The following MGAT4A variants were observed in gnomAD, a reference collection of about 807,000 sequenced individuals.
The protein encoded by MGAT4A is N-acetylglucosaminyltransferase IVa.
Under a neutral mutation model 74.1 loss-of-function variants are expected in MGAT4A, and 33 were observed. That is an observed-to-expected ratio of 0.45 (90% confidence interval 0.34 to 0.60). The LOEUF (loss-of-function observed/expected upper bound fraction) is 0.60, where lower values mean the gene tolerates loss of function less well. MGAT4A is among the 20% of genes least tolerant of loss of function. MGAT4A has a pLI of 0.02. For missense variants in MGAT4A, 479 were observed against 628.3 expected (o/e 0.76, Z 2.54); for synonymous variants, 198 against 210.4 (o/e 0.94, Z 0.51).
At chr2:98,728,514 G>A (rs1702796525) in intron 1 of MGAT4A, among the ~76,000 whole-genome samples, 1 of 152,144 alleles carries the variant, frequency 6.6e-6, no homozygotes, top group South Asian at 2.1e-4. Flanking sequence ...TTGGGAGGCT[G>A]AGGCAGGCAG....
intron 8 of MGAT4A, among the ~76,000 whole-genome samples, chr2:98,652,327 AT>A (rs70940120): frequency 0.26 from 31,729 of 123,366 alleles, 3,856 homozygotes; most frequent in African/African-American, 0.47. Flanking sequence ...TATCTCAACA[AT>A]TTTTTTTTTT....
rs1413188476 is a variant in MGAT4A, at chr2:98,625,777, T to G, written c.1527A>C (p.Ser509=). 1 of 1,612,600 alleles carries G rather than the reference T, an allele frequency of 6.2e-7. No homozygotes were observed. Among genetic ancestry groups the G allele is most frequent in the African/African-American group, 1.3e-5 (1 of 74,910 alleles). ...TCTGAATAACTGAAAGTCGAAAGGC[T>G]GAAATGGGATTGAGACTTGGATCCA... is the stretch of plus-strand genomic sequence containing the variant. ...GMVDPSLNPI[S]AFRLSVIQNS... Residue 509 remains serine (S), a synonymous_variant, in exon 15 of 16, where the codon TCA becomes TCC. Transcript: ENST00000393487.
chr2:98,700,813 C>G (rs1702345204), intron 2 of MGAT4A, among the ~76,000 whole-genome samples: 1 of 151,674 alleles, frequency 6.6e-6, no homozygotes, highest in Non-Finnish European at 1.5e-5. Context: ...ATCGCTTGAA[C>G]CCGGGAGGCG....
At position 98,623,860 on chromosome 2, in the gene MGAT4A, C is replaced by T; in HGVS notation, c.*1706G>A. 1 of 985,452 alleles carries T rather than the reference C, an allele frequency of 1.0e-6. No homozygotes were observed. The highest frequency in any genetic ancestry group is 1.2e-6 in the Non-Finnish European group (1 of 829,954). 61.0% of individuals were successfully genotyped at this position (985,452 alleles called of 1,614,324 possible). A position where few individuals can be genotyped will look rare whatever the true frequency, so the allele number is the denominator to read the frequency against. ...TGAAGCTCCTCCAGGCTAGAGGCAG[C>T]CAGCTGGAACCTTGCCCCAGCGCTA... On this transcript the variant is annotated 3_prime_UTR_variant, in exon 16 of 16. Transcript: ENST00000393487.
chr2:98,652,632 AC>A (rs1701598966), intron 8 of MGAT4A, among the ~76,000 whole-genome samples: 1 of 151,616 alleles, frequency 6.6e-6, no homozygotes, highest in African/African-American at 2.4e-5. Flanking sequence ...TGCCCAGCCA[AC>A]AATTTTTTTT....
At chr2:98,682,188 C>T (rs546298411) in intron 2 of MGAT4A, among the ~76,000 whole-genome samples, 3 of 151,886 alleles carry the variant, frequency 2.0e-5, no homozygotes, top group Admixed American at 6.5e-5. Flanking sequence ...TTTGGGAGGC[C>T]GAGGTGGGCA....
At position 98,622,293 on chromosome 2, in the gene MGAT4A, C is replaced by T; in HGVS notation, c.*3273G>A. Reference sequence around the variant, plus strand: ...AGCTTTCTGCAGTGATGGAAAAGTTCTGCATCCGTGGTGTCAAGTGTGGTG... The same window carrying T: ...AGCTTTCTGCAGTGATGGAAAAGTTTTGCATCCGTGGTGTCAAGTGTGGTG... On this transcript the variant is annotated 3_prime_UTR_variant, in exon 16 of 16. Transcript: ENST00000393487. The T allele has an allele frequency of 1.0e-6, 1 of 985,448 alleles. No homozygotes were observed. Among genetic ancestry groups the T allele is most frequent in the Non-Finnish European group, 1.2e-6 (1 of 829,954 alleles). The allele number at this position is 985,448 out of a possible 1,614,324, so 61.0% of individuals were successfully genotyped here. A position where few individuals can be genotyped will look rare whatever the true frequency, so the allele number is the denominator to read the frequency against.
chr2:98,721,350 A>C (rs1329304184), intron 2 of MGAT4A, among the ~76,000 whole-genome samples: 1 of 152,228 alleles, frequency 6.6e-6, no homozygotes, highest in Non-Finnish European at 1.5e-5. Context: ...CACAAAAAGC[A>C]GCAATAATTA....
chr2:98,686,602 A>G (rs1702135312), intron 2 of MGAT4A, among the ~76,000 whole-genome samples: 1 of 150,770 alleles, frequency 6.6e-6, no homozygotes, highest in South Asian at 2.1e-4. Flanking sequence ...GCTGGAGTGC[A>G]GTGGCATGAT....
At chr2:98,653,105 C>A (rs1701605249) in intron 8 of MGAT4A, among the ~76,000 whole-genome samples, 3 of 123,348 alleles carry the variant, frequency 2.4e-5, no homozygotes, top group Admixed American at 8.1e-5. Flanking sequence ...GAAAAAAATC[C>A]AGAAACAAAC....
intron 2 of MGAT4A, among the ~76,000 whole-genome samples, chr2:98,687,402 A>T (rs1369010985): frequency 6.6e-6 from 1 of 152,180 alleles, no homozygotes; most frequent in Non-Finnish European, 1.5e-5. Flanking sequence ...ATAATTAACC[A>T]GTCACACACT....
Position 98,622,071 on chromosome 2 carries a change from T to C in MGAT4A, c.*3495A>G. 1 of 985,464 alleles carries C rather than the reference T, an allele frequency of 1.0e-6. No individual in the cohort carries two copies. The highest frequency in any genetic ancestry group is 4.7e-5 in the South Asian group (1 of 21,288). 61.0% of individuals were successfully genotyped at this position (985,464 alleles called of 1,614,324 possible). On this transcript the variant is annotated 3_prime_UTR_variant, in exon 16 of 16. Transcript: ENST00000393487. ...GCGTGATGTGGAGAATGCATGAGACTAAGATAAAGAACTTAAGAAATCTTA... is the reference window on the plus strand; with the variant it reads ...GCGTGATGTGGAGAATGCATGAGACCAAGATAAAGAACTTAAGAAATCTTA...
intron 2 of MGAT4A, among the ~76,000 whole-genome samples, chr2:98,684,832 T>A (rs1170523955): frequency 1.3e-5 from 2 of 152,210 alleles, no homozygotes. Context: ...AAAAACTGGC[T>A]TTTTGTATTG....
chr2:98,726,267 A>C lies in MGAT4A; in HGVS notation c.66T>G (p.Ser22=). Residue 22 remains serine, a synonymous_variant, in exon 2 of 16, where the codon TCT becomes TCG. Coordinates refer to ENST00000393487, the MANE Select transcript of MGAT4A (RefSeq NM_012214.3). Reference sequence around the variant, plus strand: ...TCCCATTTTGCCATGTAGTATACCAAGACAAAGTAAGGAAGGAAGTGATAA... The same window carrying C: ...TCCCATTTTGCCATGTAGTATACCACGACAAAGTAAGGAAGGAAGTGATAA... The part of the protein sequence containing the change: ...LAFITSFLTL[S]WYTTWQNGKE... 1 of 1,614,054 alleles carries C rather than the reference A, an allele frequency of 6.2e-7. No individual in the cohort carries two copies. The highest frequency in any genetic ancestry group is 8.5e-7 in the Non-Finnish European group (1 of 1,179,906).
intron 2 of MGAT4A, among the ~76,000 whole-genome samples, chr2:98,693,947 T>C (rs897503016): frequency 3.3e-5 from 5 of 152,132 alleles, no homozygotes; most frequent in Admixed American, 3.3e-4. Context: ...AGGAACAAAC[T>C]ACAAAGAAAA....
intron 2 of MGAT4A, among the ~76,000 whole-genome samples, chr2:98,708,305 G>A (rs1377743084): frequency 1.3e-5 from 2 of 152,026 alleles, no homozygotes; most frequent in African/African-American, 2.4e-5. Context: ...TTTCAGGTCC[G>A]TGATAAAAGG....
rs1701090690 is a variant in MGAT4A, at chr2:98,623,382, A to G, written c.*2184T>C. The G allele has an allele frequency of 1.0e-6, 1 of 985,436 alleles. No individual in the cohort carries two copies. The allele number at this position is 985,436 out of a possible 1,614,324, so 61.0% of individuals were successfully genotyped here. On this transcript the variant is annotated 3_prime_UTR_variant, in exon 16 of 16. Coordinates refer to ENST00000393487, the MANE Select transcript of MGAT4A (RefSeq NM_012214.3). ...TTCAGAGCATGGTCTTTCTTCATGA[A>G]ACCAGAGTTGGCAACTGAGGAACCA...
intron 14 of MGAT4A, among the ~76,000 whole-genome samples, chr2:98,631,769 C>T (rs963137661): frequency 3.9e-5 from 6 of 152,178 alleles, no homozygotes; most frequent in South Asian, 2.1e-4. Context: ...CCAATTCATC[C>T]GGTACACCAA....
intron 10 of MGAT4A, among the ~76,000 whole-genome samples, chr2:98,643,667 A>C (rs946779988): frequency 2.6e-5 from 4 of 152,224 alleles, no homozygotes; most frequent in Non-Finnish European, 4.4e-5. Context: ...AATGTTAGTA[A>C]ACCACCAGGG....
Sources: gnomAD v4.1 joint callset for allele counts (sites outside exome capture counted in the v4.1 genomes callset) on GRCh38, gnomAD v4.1.1 for gene constraint, MANE v1.5 for transcripts, NCBI Gene and HGNC (gene_info 2026-07-23, HGNC 2026-07-21) for gene names.